KCNB2: variants seen among roughly 807,000 people sequenced by gnomAD.
KCNB2 encodes the protein delayed rectifier potassium channel protein.
In KCNB2, 15 loss-of-function variants were observed where a neutral mutation model predicts 61.5. That is an observed-to-expected ratio of 0.24 (90% CI 0.16 to 0.38). The LOEUF (loss-of-function observed/expected upper bound fraction) is 0.38, where lower values mean the gene tolerates loss of function less well. KCNB2 is among the 10% of genes least tolerant of loss of function. The pLI, the probability that KCNB2 is intolerant of heterozygous loss-of-function variation, is 1.00. For synonymous variants in KCNB2, 457 were observed against 446.0 expected (o/e 1.02, Z -0.31); for missense variants, 828 against 1,125.2 (o/e 0.74, Z 3.78).
In KCNB2 at chr8:72,561,709, ATATATATATATATATATATCTATATC is replaced by A. The variant is rs1337737977; in HGVS notation, c.-93-5921_-93-5896del. Among the ~76,000 whole-genome samples the A allele has an allele frequency of 1.7e-3, 36 of 21,684 alleles. 3 individuals carry two copies. In the African/African-American group the frequency reaches 0.018, roughly 11 times the overall value. The allele number at this position is 21,684 out of a possible 152,430, so 14.2% of individuals were successfully genotyped here. A position where few individuals can be genotyped will look rare whatever the true frequency, so the allele number is the denominator to read the frequency against. Reference sequence around the variant, plus strand: ...CTTACTTTTATATATATATATATATATATATATATATATATATATCTATATCTATATATATATGTATATATATATAT... The same window carrying A: ...CTTACTTTTATATATATATATATATATATATATATATGTATATATATATAT... On this transcript the variant is annotated intron_variant, in intron 1 of 2. Transcript: ENST00000523207.
At chr8:72,715,358 A>C (rs1013567356) in intron 2 of KCNB2, among the ~76,000 whole-genome samples, 1 of 152,220 alleles carries the variant, frequency 6.6e-6, no homozygotes, top group African/African-American at 2.4e-5. Flanking sequence ...CAGAATCTAC[A>C]TTCTTTTCAG....
intron 2 of KCNB2, among the ~76,000 whole-genome samples, chr8:72,873,498 C>G (rs1337147741): frequency 6.6e-6 from 1 of 152,208 alleles, no homozygotes; most frequent in African/African-American, 2.4e-5. Flanking sequence ...CCTTACCCCA[C>G]TGGGGTGGGA....
intron 2 of KCNB2, among the ~76,000 whole-genome samples, chr8:72,746,780 T>C (rs1210263065): frequency 4.6e-5 from 7 of 152,128 alleles, no homozygotes; most frequent in Non-Finnish European, 1.0e-4. Context: ...GACGGCTAAT[T>C]TGAGGTGGAG....
chr8:72,779,837 TA>T (rs1386749434), intron 2 of KCNB2, among the ~76,000 whole-genome samples: 2 of 152,202 alleles, frequency 1.3e-5, no homozygotes, highest in African/African-American at 2.4e-5. Context: ...GAGAGCTGTA[TA>T]AAAATGACTG....
rs1263176623 is a variant in KCNB2 at position 72,818,135 on chromosome 8, T to G, written c.580-117800T>G. 3.3e-5 allele frequency among the ~76,000 whole-genome samples: 5 copies of G among 152,274 alleles called. 1 individual carries two copies. The highest frequency in any genetic ancestry group is 3.3e-4 in the Admixed American group (5 of 15,282). On this transcript the variant is annotated intron_variant, in intron 2 of 2. Transcript: ENST00000523207. ...AAATGGAAAAAAATCCTGCAATGGTTCTATTTCTAGGCAAGGGAAATTTAT... is the reference window on the plus strand; with the variant it reads ...AAATGGAAAAAAATCCTGCAATGGTGCTATTTCTAGGCAAGGGAAATTTAT...
chr8:72,930,154 A>G (rs1806748572), intron 2 of KCNB2, among the ~76,000 whole-genome samples: 1 of 151,926 alleles, frequency 6.6e-6, no homozygotes, highest in Non-Finnish European at 1.5e-5. Flanking sequence ...GCTGCATAGT[A>G]TTCCATGGTG....
intron 1 of KCNB2, among the ~76,000 whole-genome samples, chr8:72,565,645 T>TACACACAC (rs137899039): frequency 4.0e-5 from 6 of 149,848 alleles, no homozygotes; most frequent in African/African-American, 1.2e-4. Context: ...TGAAGCAGAA[T>TACACACAC]ACACACACAC....
At chr8:72,900,735 A>G (rs1806075070) in intron 2 of KCNB2, among the ~76,000 whole-genome samples, 1 of 152,216 alleles carries the variant, frequency 6.6e-6, no homozygotes, top group South Asian at 2.1e-4. Flanking sequence ...TCCAACAAAC[A>G]TGAAGAATGC....
At chr8:72,716,905 T>C (rs1301536919) in intron 2 of KCNB2, among the ~76,000 whole-genome samples, 1 of 152,124 alleles carries the variant, frequency 6.6e-6, no homozygotes, top group Non-Finnish European at 1.5e-5. Context: ...ATTGTATATC[T>C]AGAAAACCCC....
At chr8:72,830,026 G>T (rs767283589) in intron 2 of KCNB2, among the ~76,000 whole-genome samples, 30 of 150,122 alleles carry the variant, frequency 2.0e-4, no homozygotes, top group African/African-American at 7.3e-4. Flanking sequence ...ATAATTGGTC[G>T]CTAAAAATTG....
chr8:72,875,112 A>G (rs1014410749), intron 2 of KCNB2: 2 of 134,580 alleles, frequency 1.5e-5, no homozygotes, highest in Admixed American at 7.0e-5. Flanking sequence ...CTTTTTTCAC[A>G]AAGAAACACA....
chr8:72,715,419 C>T (rs982947370), intron 2 of KCNB2, among the ~76,000 whole-genome samples: 3 of 152,174 alleles, frequency 2.0e-5, no homozygotes, highest in Non-Finnish European at 4.4e-5. Flanking sequence ...AAGTAAAGCA[C>T]TCCTCAGCAA....
chr8:72,899,490 A>T (rs950691077), intron 2 of KCNB2, among the ~76,000 whole-genome samples: 2 of 152,188 alleles, frequency 1.3e-5, no homozygotes, highest in African/African-American at 4.8e-5. Context: ...CTAAAGACTA[A>T]CCAAAAGCTC....
At chr8:72,793,187 C>T (rs551476895) in intron 2 of KCNB2, among the ~76,000 whole-genome samples, 1 of 152,126 alleles carries the variant, frequency 6.6e-6, no homozygotes, top group Non-Finnish European at 1.5e-5. Flanking sequence ...ATTCTAAGTA[C>T]TGGGGTTGGT....
At chr8:72,762,197 A>G (rs111559237) in intron 2 of KCNB2, among the ~76,000 whole-genome samples, 296 of 152,358 alleles carry the variant, frequency 1.9e-3, no homozygotes, top group Non-Finnish European at 3.2e-3. Context: ...CCTGCTTCGC[A>G]GCCAATGTGA....
chr8:72,832,557 A>G (rs958169394), intron 2 of KCNB2, among the ~76,000 whole-genome samples: 12 of 152,284 alleles, frequency 7.9e-5, no homozygotes, highest in Admixed American at 7.8e-4. Context: ...AGGGAAGATT[A>G]TTTAAGGGTT....
At chr8:72,649,272 A>T (rs1585806314) in intron 2 of KCNB2, among the ~76,000 whole-genome samples, 1 of 152,118 alleles carries the variant, frequency 6.6e-6, no homozygotes, top group Middle Eastern at 3.4e-3. Context: ...CTGTTTTTTC[A>T]CTTGGTCTAA....
At chr8:72,684,231 G>A (rs1384903651) in intron 2 of KCNB2, among the ~76,000 whole-genome samples, 1 of 152,254 alleles carries the variant, frequency 6.6e-6, no homozygotes, top group African/African-American at 2.4e-5. Context: ...CTTGAGCCAA[G>A]CGTGTGGTCA....
intron 1 of KCNB2, among the ~76,000 whole-genome samples, chr8:72,552,899 T>C (rs1270733567): frequency 6.6e-6 from 1 of 152,124 alleles, no homozygotes; most frequent in East Asian, 1.9e-4. Context: ...TCCCCTCTTC[T>C]TTGTTTCTCT....
Sources: gnomAD v4.1 joint callset for allele counts (sites outside exome capture counted in the v4.1 genomes callset) on GRCh38, gnomAD v4.1.1 for gene constraint, MANE v1.5 for transcripts, NCBI Gene and HGNC (gene_info 2026-07-23, HGNC 2026-07-21) for gene names.